The following HTRA1 variants were observed in gnomAD, a reference collection of about 807,000 sequenced individuals.
The protein encoded by HTRA1 is HtrA serine peptidase 1.
A neutral mutation model predicts 49.7 loss-of-function variants in HTRA1; 26 were observed. The ratio of observed to expected loss-of-function variants is 0.52; its 90% confidence interval spans 0.38 to 0.73. The LOEUF (loss-of-function observed/expected upper bound fraction) is 0.73. Ranked by LOEUF, HTRA1 falls within the 30% of genes least tolerant of loss-of-function variation. The pLI is 0.00. For missense variants in HTRA1, 561 were observed against 667.2 expected, an observed-to-expected ratio of 0.84 and a Z score of 1.75; for synonymous variants, 291 against 286.9, an observed-to-expected ratio of 1.01 and a Z score of -0.14.
At position 122,489,517 on chromosome 10, in the gene HTRA1, C is replaced by G. The variant is rs1477420760; in HGVS notation, c.668C>G (p.Thr223Ser). ...GLIVTNAHVV[T>S]NKHRVKVELK... ...ATCGTGACAAATGCCCACGTGGTGA[C>G]CAACAAGCACCGGGTCAAAGTTGAG... is the stretch of plus-strand genomic sequence containing the variant. Residue 223 changes from threonine (T) to serine (S), a missense_variant, in exon 3 of 9, where the codon ACC becomes AGC. By Grantham distance (58) the Thr-to-Ser change is moderately conservative (BLOSUM62 1). This residue lies in a region of HTRA1 where 271 missense variants were observed against 410.0 expected (regional missense o/e 0.66). Transcript: ENST00000368984. 6.2e-7 allele frequency: 1 copy of G among 1,613,986 alleles called. No homozygotes were observed. The highest frequency in any genetic ancestry group is 8.5e-7 in the Non-Finnish European group (1 of 1,180,024).
chr10:122,488,889 C>CT lies in HTRA1; in HGVS notation c.473-9dup. The CT allele has an allele frequency of 6.2e-7, 1 of 1,608,190 alleles. No individual in the cohort carries two copies. The highest frequency in any genetic ancestry group is 8.5e-7 in the Non-Finnish European group (1 of 1,174,570). Reference sequence around the variant, plus strand: ...AGTGTCATTAAGTATCTATTCTTTGCTTTTGTTCTCAGGGCAGGAAGATCC... The same window carrying CT: ...AGTGTCATTAAGTATCTATTCTTTGCTTTTTGTTCTCAGGGCAGGAAGATCC... On this transcript the variant is annotated splice_polypyrimidine_tract_variant and intron_variant, in intron 1 of 8. Coordinates refer to ENST00000368984, the MANE Select transcript of HTRA1 (RefSeq NM_002775.5).
At chr10:122,498,911 C>T (rs1418947190) in intron 3 of HTRA1, among the ~76,000 whole-genome samples, 1 of 152,220 alleles carries the variant, frequency 6.6e-6, no homozygotes, top group Non-Finnish European at 1.5e-5. Flanking sequence ...CCTGAGAACT[C>T]CAGCCCCATC....
intron 1 of HTRA1, among the ~76,000 whole-genome samples, chr10:122,471,574 A>G (rs2097486150): frequency 6.6e-6 from 1 of 152,236 alleles, no homozygotes; most frequent in Non-Finnish European, 1.5e-5. Context: ...ACTGACTTGT[A>G]GAGAAGACAG....
chr10:122,505,942 G>A (rs1214832262), intron 3 of HTRA1, among the ~76,000 whole-genome samples: 1 of 152,206 alleles, frequency 6.6e-6, no homozygotes, highest in Non-Finnish European at 1.5e-5. Flanking sequence ...ATTTTGTTGT[G>A]CAGAGTTGTT....
At chr10:122,477,189 G>A (rs564397259) in intron 1 of HTRA1, among the ~76,000 whole-genome samples, 19 of 152,038 alleles carry the variant, frequency 1.2e-4, no homozygotes, top group Non-Finnish European at 2.6e-4. Context: ...GGACGGTCTC[G>A]ATCTCCTGAC....
intron 1 of HTRA1, 71 bp downstream of exon 1, chr10:122,462,195 G>A: frequency 2.3e-6 from 3 of 1,316,410 alleles, no homozygotes; most frequent in Non-Finnish European, 3.1e-6. Context: ...TGCGGGACTG[G>A]TGGGCAGGTT....
intron 7 of HTRA1, among the ~76,000 whole-genome samples, chr10:122,511,077 C>T (rs2097505339): frequency 6.6e-6 from 1 of 152,152 alleles, no homozygotes; most frequent in African/African-American, 2.4e-5. Flanking sequence ...GATATGACCC[C>T]TGAGTGCCTC....
chr10:122,491,508 G>A (rs2097495765), intron 3 of HTRA1, among the ~76,000 whole-genome samples: 1 of 152,268 alleles, frequency 6.6e-6, no homozygotes, highest in Admixed American at 6.5e-5. Context: ...TGGGCTGTGT[G>A]CAGGCGAGGC....
At position 122,472,715 on chromosome 10, in the gene HTRA1, C is replaced by G. The variant is rs116600359; in HGVS notation, c.472+10591C>G. Reference sequence around the variant, plus strand: ...TGGCCTAATTCCATCATTTCTGTCCCAAGTGTTGCCACCGTTTGGTTAACT... The same window carrying G: ...TGGCCTAATTCCATCATTTCTGTCCGAAGTGTTGCCACCGTTTGGTTAACT... On this transcript the variant is annotated intron_variant, in intron 1 of 8. Transcript: ENST00000368984. Among the ~76,000 whole-genome samples, 1,359 of 152,208 alleles carry G rather than the reference C, an allele frequency of 8.9e-3. 16 individuals carry two copies. Among genetic ancestry groups the G allele is most frequent in the African/African-American group, 0.032 (1,309 of 41,504 alleles).
chr10:122,497,473 G>A (rs1329094458), intron 3 of HTRA1, among the ~76,000 whole-genome samples: 1 of 152,178 alleles, frequency 6.6e-6, no homozygotes, highest in Non-Finnish European at 1.5e-5. Context: ...AGGAGCCAGA[G>A]TGCCTTCAGG....
intron 1 of HTRA1, among the ~76,000 whole-genome samples, chr10:122,483,265 T>A (rs2097491783): frequency 6.6e-6 from 1 of 152,228 alleles, no homozygotes; most frequent in South Asian, 2.1e-4. Context: ...TGTGCTTGAC[T>A]AGTAGTTTAT....
intron 5 of HTRA1, among the ~76,000 whole-genome samples, chr10:122,507,734 G>T (rs76495632): frequency 0.095 from 14,522 of 152,152 alleles, 1,006 homozygotes; most frequent in South Asian, 0.33. Context: ...CACTAAAAAT[G>T]CTGGCCAGTC....
Position 122,461,560 on chromosome 10 carries a change from C to A in HTRA1, c.-93C>A. On this transcript the variant is annotated 5_prime_UTR_variant, in exon 1 of 9. Transcript: ENST00000368984. ...GGCCGCGCGGCCGCGCGCACTCGCA[C>A]CCGCTGCCCCCGAGGCCCTCCTGCA... The A allele has an allele frequency of 1.4e-6, 1 of 711,824 alleles. No individual in the cohort carries two copies. The highest frequency in any genetic ancestry group is 2.0e-5 in the South Asian group (1 of 49,242). 44.1% of individuals were successfully genotyped at this position (711,824 alleles called of 1,614,324 possible).
Position 122,499,926 on chromosome 10 carries a change from G to T in HTRA1, c.778-6765G>T, listed in dbSNP as rs184382787. Among the ~76,000 whole-genome samples the T allele has an allele frequency of 7.9e-5, 12 of 152,320 alleles. 1 individual carries two copies. The East Asian group carries it at 2.3e-3, about 29-fold the overall frequency. On this transcript the variant is annotated intron_variant, in intron 3 of 8. Coordinates refer to ENST00000368984, the MANE Select transcript of HTRA1 (RefSeq NM_002775.5). ...CTCCAGAAATGATGCAGTGGATTCT[G>T]CAGATTCAGCAACAACAATATTTTT...
chr10:122,506,612 T>G lies in HTRA1; in HGVS notation c.778-79T>G. 2 of 1,273,236 alleles carry G rather than the reference T, an allele frequency of 1.6e-6. No individual in the cohort carries two copies. The highest frequency in any genetic ancestry group is 2.3e-6 in the Non-Finnish European group (2 of 882,128). The allele number at this position is 1,273,236 out of a possible 1,614,324, so 78.9% of individuals were successfully genotyped here. ...CAAATAGCCCGTCACTGTCCCTGCTTGGTTTTCCATGATATCTGTGCCTTT... is the reference window on the plus strand; with the variant it reads ...CAAATAGCCCGTCACTGTCCCTGCTGGGTTTTCCATGATATCTGTGCCTTT... On this transcript the variant is annotated intron_variant, in intron 3 of 8. Coordinates refer to ENST00000368984, the MANE Select transcript of HTRA1 (RefSeq NM_002775.5). The surrounding 1 kb of genome is among the most constrained non-coding windows in gnomAD (Gnocchi z 5.2).
chr10:122,508,793 T>TG, intron 6 of HTRA1, 23 bp downstream of exon 6: 2 of 1,414,356 alleles, frequency 1.4e-6, no homozygotes, highest in Non-Finnish European at 2.0e-6. Flanking sequence ...CACACAGCCC[T>TG]GGGGACTCCG....
intron 1 of HTRA1, among the ~76,000 whole-genome samples, chr10:122,468,969 G>A (rs1014674815): frequency 6.6e-6 from 1 of 152,162 alleles, no homozygotes; most frequent in Non-Finnish European, 1.5e-5. Flanking sequence ...TGTCGAATAA[G>A]CACGTTTCAT....
chr10:122,503,761 G>A (rs1019088517), intron 3 of HTRA1, among the ~76,000 whole-genome samples: 1 of 152,062 alleles, frequency 6.6e-6, no homozygotes, highest in Non-Finnish European at 1.5e-5. Context: ...GAAATCCAGG[G>A]TTTACAATGT....
rs1337533748 is a variant in HTRA1, at chr10:122,508,660, G to A, written c.1010G>A (p.Gly337Asp). ...NSGGPLVNLD[G>D]EVIGINTLKV... ...CGTGTCCTTCTTGCTTTTCAGGACG[G>A]TGAAGTGATTGGAATTAACACTTTG... Residue 337 changes from glycine (G) to aspartate (D), a missense_variant, in exon 6 of 9, where the codon GGT becomes GAT. Physicochemically the swap from Gly to Asp is moderately conservative, Grantham distance 94 (BLOSUM62 -1). This residue lies in a region of HTRA1 where 271 missense variants were observed against 410.0 expected (regional missense o/e 0.66). Transcript: ENST00000368984. The A allele has an allele frequency of 1.9e-6, 3 of 1,602,748 alleles. No individual in the cohort carries two copies. The highest frequency in any genetic ancestry group is 2.6e-6 in the Non-Finnish European group (3 of 1,169,642).
Sources: allele counts gnomAD v4.1 joint callset (sites outside exome capture counted in the v4.1 genomes callset), GRCh38; gene constraint gnomAD v4.1.1; regional missense constraint gnomAD v4.1.1; non-coding constraint Gnocchi (gnomAD v3.1); transcripts MANE v1.5; gene names NCBI Gene and HGNC (gene_info 2026-07-23, HGNC 2026-07-21).